INSC: variants seen among roughly 807,000 people sequenced by gnomAD.
The protein encoded by INSC is INSC spindle orientation adaptor protein.
A neutral mutation model predicts 58.6 loss-of-function variants in INSC; 67 were observed. That is an observed-to-expected ratio of 1.14 (90% CI 0.94 to 1.40). The LOEUF is 1.40. Among genes scored for constraint, INSC ranks in the 40% most tolerant of loss-of-function variants. The pLI, the probability that INSC is intolerant of heterozygous loss-of-function variation, is 0.00. For synonymous variants in INSC, 262 were observed against 276.1 expected (o/e 0.95, Z 0.51); for missense variants, 714 against 692.0 (o/e 1.03, Z -0.36).
chr11:15,170,718 C>T (rs1849367308), intron 2 of INSC, among the ~76,000 whole-genome samples: 2 of 152,174 alleles, frequency 1.3e-5, no homozygotes, highest in Non-Finnish European at 2.9e-5. Flanking sequence ...TCAAGCTCCT[C>T]CACCTCCAGT....
At chr11:15,174,460 T>A (rs1043496263) in intron 2 of INSC, among the ~76,000 whole-genome samples, 1 of 152,240 alleles carries the variant, frequency 6.6e-6, no homozygotes, top group African/African-American at 2.4e-5. Context: ...GAATGTAACA[T>A]TGGCTAGAGA....
intron 5 of INSC, among the ~76,000 whole-genome samples, chr11:15,187,324 A>G (rs1483898312): frequency 6.6e-6 from 1 of 152,272 alleles, no homozygotes; most frequent in East Asian, 1.9e-4. Context: ...AAGGGGAATT[A>G]GAACTCATCT....
At chr11:15,223,659 T>G (rs1367457154) in intron 8 of INSC, among the ~76,000 whole-genome samples, 1 of 152,150 alleles carries the variant, frequency 6.6e-6, no homozygotes, top group African/African-American at 2.4e-5. Flanking sequence ...AGAAGGAATC[T>G]TACAGCAAAG....
In INSC at chr11:15,178,412, C is replaced by T. The variant is rs202116363; in HGVS notation, c.544C>T (p.Gln182Ter). Residue 182 changes from glutamine (Q) to a stop codon, truncating the protein, a stop_gained, in exon 5 of 13, where the codon CAG becomes TAG. Coordinates refer to ENST00000379556, the MANE Select transcript of INSC (RefSeq NM_001042536.3). LOFTEE classifies it high-confidence loss of function. ...GAGCATGCTGGGCCAGCACTTTGGT[C>T]AGCTGCTGGAGCTGGCCCTGACACG... Reference protein sequence around the residue: ...TLSMLGQHFGQLLELALTREV... With the variant: ...TLSMLGQHFG 16 of 1,612,616 alleles carry T rather than the reference C, an allele frequency of 9.9e-6. No homozygotes were observed. Among genetic ancestry groups the T allele is most frequent in the Non-Finnish European group, 6.8e-6 (8 of 1,180,018 alleles).
intron 3 of INSC, 112 bp from the exon 4 acceptor site, chr11:15,176,999 C>T (rs1849593943): frequency 2.3e-6 from 2 of 869,986 alleles, no homozygotes; most frequent in Admixed American, 3.5e-5. Flanking sequence ...TGCCTGTTCC[C>T]CAAGTCACAT....
the INSC span, among the ~76,000 whole-genome samples, chr11:15,269,262 A>G: frequency 6.6e-6 from 1 of 152,038 alleles, no homozygotes; most frequent in Non-Finnish European, 1.5e-5. Context: ...TTTGCCTATT[A>G]TATATTAAAG....
rs61745109 is a variant in INSC at position 15,176,049 on chromosome 11, G to T, written c.365G>T (p.Ser122Ile). Residue 122 changes from serine (S) to isoleucine (I), a missense_variant, in exon 3 of 13, where the codon AGT becomes ATT. Physicochemically the swap from Ser to Ile is moderately radical, Grantham distance 142. Coordinates refer to ENST00000379556, the MANE Select transcript of INSC (RefSeq NM_001042536.3). ...GCCCGCTCCATGGTCAGCGAGTACA[G>T]TGCTGTCAGCAGGAACTCCTTGAAG... is the stretch of plus-strand genomic sequence containing the variant. ...CHARSMVSEY[S>I]AVSRNSLKEM... 2.0e-4 allele frequency: 315 copies of T among 1,550,350 alleles called. 1 individual carries two copies. In the African/African-American group the frequency reaches 4.0e-3, roughly 20 times the overall value.
Position 15,181,431 on chromosome 11 carries a change from G to T in INSC, c.579+2984G>T, listed in dbSNP as rs147051690. Among the ~76,000 whole-genome samples the T allele has an allele frequency of 3.5e-3, 535 of 152,216 alleles. 4 individuals carry two copies. The highest frequency in any genetic ancestry group is 0.012 in the African/African-American group (516 of 41,498). ...AAATCTCCCCACCCCCTTCACCCCAGTATTAAGGGCTTTTTGGACTCCTTC... is the reference window on the plus strand; with the variant it reads ...AAATCTCCCCACCCCCTTCACCCCATTATTAAGGGCTTTTTGGACTCCTTC... On this transcript the variant is annotated intron_variant, in intron 5 of 12. Transcript: ENST00000379556.
At chr11:15,157,152 C>G (rs543063960) in intron 2 of INSC, among the ~76,000 whole-genome samples, 1 of 152,286 alleles carries the variant, frequency 6.6e-6, no homozygotes, top group South Asian at 2.1e-4. Context: ...CTGGGAGCCA[C>G]GTTCACTGTC....
chr11:15,155,364 T>C (rs1848780551), intron 2 of INSC, among the ~76,000 whole-genome samples: 1 of 152,254 alleles, frequency 6.6e-6, no homozygotes, highest in Non-Finnish European at 1.5e-5. Flanking sequence ...ACATATCTCT[T>C]CTCTGTGCTC....
intron 2 of INSC, among the ~76,000 whole-genome samples, chr11:15,162,227 C>T (rs190333459): frequency 6.6e-6 from 1 of 152,116 alleles, no homozygotes; most frequent in Non-Finnish European, 1.5e-5. Flanking sequence ...GTGATCTGGC[C>T]TAATCCCTTC....
chr11:15,245,843 G>A (rs907963375), intron 12 of INSC, 69 bp from the exon 13 acceptor site: 1 of 1,552,428 alleles, frequency 6.4e-7, no homozygotes, highest in South Asian at 1.2e-5. Context: ...TTTCAGGGTA[G>A]GTGAAGGAAA....
rs1279263245 is a variant in INSC at position 15,178,759 on chromosome 11, A to G, written c.579+312A>G. On this transcript the variant is annotated intron_variant, in intron 5 of 12. Coordinates refer to ENST00000379556, the MANE Select transcript of INSC (RefSeq NM_001042536.3). ...CCCAGCATCTCCCAATTCTACTTTC[A>G]TTATTACTCCCACCCTTCCCAGAGC... is the stretch of plus-strand genomic sequence containing the variant. Among the ~76,000 whole-genome samples, 6 of 152,088 alleles carry G rather than the reference A, an allele frequency of 3.9e-5. No homozygotes were observed. The East Asian group carries it at 7.7e-4, about 20-fold the overall frequency.
chr11:15,153,993 G>A (rs1307314063), intron 2 of INSC, among the ~76,000 whole-genome samples: 1 of 152,212 alleles, frequency 6.6e-6, no homozygotes, highest in Non-Finnish European at 1.5e-5. Context: ...GCAATTATTT[G>A]TAATAGAGAA....
intron 2 of INSC, among the ~76,000 whole-genome samples, chr11:15,158,862 T>A (rs201414556): frequency 3.8e-4 from 23 of 60,218 alleles, no homozygotes; most frequent in Non-Finnish European, 5.7e-4. Flanking sequence ...TGTTGGTGGT[T>A]TTTTTTTTTT....
intron 1 of INSC, among the ~76,000 whole-genome samples, chr11:15,141,098 A>G (rs1420592855): frequency 1.6e-4 from 25 of 152,074 alleles, no homozygotes. Context: ...CCTCATTATT[A>G]TTATTACTAC....
chr11:15,236,414 C>T (rs1270920801), intron 10 of INSC, among the ~76,000 whole-genome samples: 1 of 152,182 alleles, frequency 6.6e-6, no homozygotes, highest in Non-Finnish European at 1.5e-5. Context: ...TTAAATTGTT[C>T]CTATCTTATT....
At chr11:15,248,518 A>G (rs1487689205), downstream of INSC, among the ~76,000 whole-genome samples, 4 of 152,196 alleles carry the variant, frequency 2.6e-5, no homozygotes, top group Non-Finnish European at 5.9e-5. Context: ...ATCTAGTTTA[A>G]TACTAATTTT....
At chr11:15,119,896 A>G (rs1288466509) in intron 1 of INSC, among the ~76,000 whole-genome samples, 1 of 152,192 alleles carries the variant, frequency 6.6e-6, no homozygotes, top group East Asian at 1.9e-4. Flanking sequence ...TTGAACTGGA[A>G]AGTTTATTTG....
Sources: gnomAD v4.1 joint callset for allele counts (sites outside exome capture counted in the v4.1 genomes callset) on GRCh38, gnomAD v4.1.1 for gene constraint, MANE v1.5 for transcripts, NCBI Gene and HGNC (gene_info 2026-07-23, HGNC 2026-07-21) for gene names.